The following CSMD1 variants were observed in gnomAD, a reference collection of about 807,000 sequenced individuals.
The protein encoded by CSMD1 is CUB and sushi domain-containing protein 1.
A neutral mutation model predicts 417.5 loss-of-function variants in CSMD1; 213 were observed. The ratio of observed to expected loss-of-function variants is 0.51; its 90% confidence interval spans 0.46 to 0.57. CSMD1 has a LOEUF of 0.57. Ranked by LOEUF, CSMD1 falls within the 20% of genes least tolerant of loss-of-function variation. CSMD1 has a pLI of 0.00. For synonymous variants in CSMD1, 2,862 were observed against 1,736.8 expected, an observed-to-expected ratio of 1.65 and a Z score of -16.11; for missense variants, 6,923 against 4,529.7, an observed-to-expected ratio of 1.53 and a Z score of -15.17.
intron 1 of CSMD1, among the ~76,000 whole-genome samples, chr8:4,868,021 T>C (rs187132058): frequency 5.8e-4 from 88 of 152,134 alleles, no homozygotes; most frequent in African/African-American, 1.7e-3. Context: ...AATGCGGAAA[T>C]GGCTCTTGAA....
At chr8:3,964,369 ATT>A (rs1563260696) in intron 5 of CSMD1, among the ~76,000 whole-genome samples, 1 of 152,094 alleles carries the variant, frequency 6.6e-6, no homozygotes, top group African/African-American at 2.4e-5. Context: ...CTTAATTCAC[ATT>A]TGTTTGTATC....
chr8:4,356,705 C>T (rs533640803), intron 3 of CSMD1, among the ~76,000 whole-genome samples: 6 of 152,204 alleles, frequency 3.9e-5, no homozygotes, highest in East Asian at 1.9e-4. Flanking sequence ...TCCTTCTCAC[C>T]GTGCTCTCCA....
chr8:4,989,874 A>G (rs545536978), intron 1 of CSMD1, among the ~76,000 whole-genome samples: 46 of 152,152 alleles, frequency 3.0e-4, no homozygotes, highest in Non-Finnish European at 6.2e-4. Context: ...TTTTCTTGAC[A>G]TTTTTAAAGC....
At chr8:2,997,426 A>C (rs911923423) in intron 54 of CSMD1, among the ~76,000 whole-genome samples, 14 of 152,236 alleles carry the variant, frequency 9.2e-5, no homozygotes, top group Admixed American at 3.9e-4. Context: ...CTTCAATTTC[A>C]TCTTAATACC....
In CSMD1 at chr8:4,415,216, C is replaced by T. The variant is rs77182361; in HGVS notation, c.415+4737G>A. ...ACCCAGGCTCAGGATCATCCGCCTC[C>T]GCTCCCCACTGAACTCAGCCTCCAT... On this transcript the variant is annotated intron_variant, in intron 3 of 69. Coordinates refer to ENST00000635120, the MANE Select transcript of CSMD1 (RefSeq NM_033225.6). Among the ~76,000 whole-genome samples, 861 of 152,194 alleles carry T rather than the reference C, an allele frequency of 5.7e-3. 30 individuals are homozygous for T. The East Asian group carries it at 0.088, about 16-fold the overall frequency.
chr8:3,720,218 G>T (rs4875785), intron 6 of CSMD1, among the ~76,000 whole-genome samples: 79,347 of 151,986 alleles, frequency 0.52, 20,684 homozygotes, highest in South Asian at 0.63. Flanking sequence ...CATGGAGTTG[G>T]AAACATGCCA....
intron 5 of CSMD1, among the ~76,000 whole-genome samples, chr8:3,884,531 C>A (rs548231379): frequency 6.6e-6 from 1 of 152,162 alleles, no homozygotes; most frequent in African/African-American, 2.4e-5. Context: ...CCCAACACTG[C>A]AGTCACTCAG....
intron 5 of CSMD1, among the ~76,000 whole-genome samples, chr8:3,764,739 C>CTTTT (rs66603480): frequency 1.5e-4 from 19 of 129,760 alleles, no homozygotes; most frequent in African/African-American, 2.9e-4. Flanking sequence ...TTTTCTCTTT[C>CTTTT]TTTTTTTTTT....
At chr8:2,977,496 G>A (rs1805026534) in intron 55 of CSMD1, among the ~76,000 whole-genome samples, 1 of 152,190 alleles carries the variant, frequency 6.6e-6, no homozygotes, top group Non-Finnish European at 1.5e-5. Flanking sequence ...TTTATTCAGT[G>A]TTTTACTGAT....
intron 26 of CSMD1, among the ~76,000 whole-genome samples, chr8:3,243,857 T>A (rs1799708065): frequency 6.6e-6 from 1 of 152,054 alleles, no homozygotes; most frequent in South Asian, 2.1e-4. Flanking sequence ...TATTTTCCTT[T>A]TTTGCTAAAA....
rs182972376 is a variant in CSMD1 at position 4,828,645 on chromosome 8, C to T, written c.85+165687G>A. Among the ~76,000 whole-genome samples, 176 of 152,236 alleles carry T rather than the reference C, an allele frequency of 1.2e-3. 2 individuals carry two copies. Among genetic ancestry groups the T allele is most frequent in the Middle Eastern group, 0.01 (3 of 294 alleles). On this transcript the variant is annotated intron_variant, in intron 1 of 69. Coordinates refer to ENST00000635120, the MANE Select transcript of CSMD1 (RefSeq NM_033225.6). ...TTTCTTTAAAACTGAGAACGTTACT[C>T]GGCATGGGGTTGGCAATATACATTG...
At chr8:4,347,958 G>C (rs984137213) in intron 3 of CSMD1, among the ~76,000 whole-genome samples, 5 of 152,024 alleles carry the variant, frequency 3.3e-5, no homozygotes, top group African/African-American at 1.2e-4. Context: ...AGGCACAGAA[G>C]AATTTATACA....
In CSMD1 at chr8:3,549,478, G is replaced by C. The variant is rs530696606; in HGVS notation, c.1344+25467C>G. The stretch of plus-strand genomic sequence containing the variant: ...TCAGCCCCTCATGTCGCAGCAGTGA[G>C]AGATGGGACCATTAAGAATAGCTTG... On this transcript the variant is annotated intron_variant, in intron 10 of 69. Coordinates refer to ENST00000635120, the MANE Select transcript of CSMD1 (RefSeq NM_033225.6). 5.9e-5 allele frequency among the ~76,000 whole-genome samples: 9 copies of C among 152,330 alleles called. No homozygotes were observed. In the East Asian group the frequency reaches 7.7e-4, roughly 13 times the overall value.
At chr8:3,965,318 G>A (rs1463973678) in intron 5 of CSMD1, among the ~76,000 whole-genome samples, 1 of 152,136 alleles carries the variant, frequency 6.6e-6, no homozygotes, top group Non-Finnish European at 1.5e-5. Flanking sequence ...ATGCTACCAT[G>A]AAGATAATGT....
chr8:3,054,197 TA>T (rs1382025818), intron 49 of CSMD1, among the ~76,000 whole-genome samples: 1 of 152,132 alleles, frequency 6.6e-6, no homozygotes, highest in Admixed American at 6.5e-5. Flanking sequence ...AAATATTAAA[TA>T]AATACAATGG....
chr8:3,224,430 T>C (rs940628919), intron 27 of CSMD1, among the ~76,000 whole-genome samples: 13 of 152,190 alleles, frequency 8.5e-5, no homozygotes, highest in Admixed American at 3.3e-4. Context: ...GAAATGGTTA[T>C]TGGGTACATG....
At chr8:3,883,599 T>C (rs1016012110) in intron 5 of CSMD1, among the ~76,000 whole-genome samples, 2 of 152,166 alleles carry the variant, frequency 1.3e-5, no homozygotes, top group African/African-American at 2.4e-5. Context: ...TTAGTGTTAT[T>C]ATTTATTTGA....
At chr8:4,889,009 C>T (rs1803933220) in intron 1 of CSMD1, among the ~76,000 whole-genome samples, 1 of 152,066 alleles carries the variant, frequency 6.6e-6, no homozygotes, top group African/African-American at 2.4e-5. Context: ...AGAAAAATCA[C>T]CATTTGGCAA....
intron 10 of CSMD1, among the ~76,000 whole-genome samples, chr8:3,565,429 T>C (rs1462956769): frequency 6.6e-6 from 1 of 152,194 alleles, no homozygotes; most frequent in Non-Finnish European, 1.5e-5. Context: ...GTGTCTAATC[T>C]CTACTTCTCC....
Sources: allele counts gnomAD v4.1 joint callset (sites outside exome capture counted in the v4.1 genomes callset), GRCh38; gene constraint gnomAD v4.1.1; transcripts MANE v1.5; gene names NCBI Gene and HGNC (gene_info 2026-07-23, HGNC 2026-07-21).